Variants in FANCB observed in about 807,000 individuals in gnomAD.
The protein encoded by FANCB is FA complementation group B.
In FANCB, 5 loss-of-function variants were observed where a neutral mutation model predicts 38.9. The ratio of observed to expected loss-of-function variants is 0.13; its 90% CI spans 0.07 to 0.27. The LOEUF (loss-of-function observed/expected upper bound fraction) is 0.27. FANCB is among the 10% of genes least tolerant of loss of function. The pLI is 1.00. For missense variants in FANCB, 573 were observed against 602.7 expected (o/e 0.95, Z 0.52); for synonymous variants, 236 against 215.4 (o/e 1.10, Z -0.84).
the FANCB span, among the ~76,000 whole-genome samples, chrX:14,762,298 C>T: frequency 1.8e-5 from 2 of 110,680 alleles, no homozygotes; most frequent in African/African-American, 6.6e-5. Context: ...TCTTAAAGGC[C>T]CCAACTCTTT....
At chrX:14,796,655 CAT>C in the FANCB span, among the ~76,000 whole-genome samples, 218 of 28,132 alleles carry the variant, frequency 7.7e-3, 1 homozygote, top group African/African-American at 0.015. Flanking sequence ...ATTCTAAGTG[CAT>C]ATATACACAC....
the FANCB span, among the ~76,000 whole-genome samples, chrX:14,722,425 C>A: frequency 3.6e-5 from 4 of 111,279 alleles, no homozygotes; most frequent in African/African-American, 1.3e-4. Context: ...AGGATTGGAG[C>A]TTCATCACTT....
chrX:14,706,992 C>T, the FANCB span, among the ~76,000 whole-genome samples: 16 of 110,265 alleles, frequency 1.5e-4, no homozygotes, highest in African/African-American at 5.3e-4. Context: ...AATGTTCTTT[C>T]ACACTTCCTG....
chrX:14,833,002 C>T (rs2092331216), downstream of FANCB, among the ~76,000 whole-genome samples: 1 of 112,232 alleles, frequency 8.9e-6, no homozygotes, highest in Non-Finnish European at 1.9e-5. Context: ...ATTGCTTCTG[C>T]GTTCAGAGTA....
rs139304103 is a variant in FANCB, at chrX:14,854,644, G to A, written c.1198-1477C>T. ...AATACAGGAGCATATCGTACTGCAC[G>A]ACACTGAACCTTGCTTTTTTGTTCA... On this transcript the variant is annotated intron_variant, in intron 5 of 9. Transcript: ENST00000650831. 5.7e-3 allele frequency among the ~76,000 whole-genome samples: 639 copies of A among 111,452 alleles called. 5 individuals carry two copies. The highest frequency in any genetic ancestry group is 0.02 in the African/African-American group (603 of 30,669).
At chrX:14,813,125 C>T in the FANCB span, among the ~76,000 whole-genome samples, 17 of 108,169 alleles carry the variant, frequency 1.6e-4, no homozygotes, top group Non-Finnish European at 3.1e-4. Context: ...ACCCTTCATG[C>T]TAAAAACTCT....
chrX:14,754,092 G>A, the FANCB span, among the ~76,000 whole-genome samples: 1 of 111,803 alleles, frequency 8.9e-6, no homozygotes, highest in South Asian at 3.7e-4. Context: ...AGTGTGTCCT[G>A]CTCCAGGATC....
chrX:14,735,017 CT>C, the FANCB span, among the ~76,000 whole-genome samples: 1 of 107,821 alleles, frequency 9.3e-6, no homozygotes, highest in Admixed American at 1.0e-4. Context: ...TACTTGATCA[CT>C]TTGGCTATTG....
the FANCB span, among the ~76,000 whole-genome samples, chrX:14,804,832 G>A: frequency 9.0e-5 from 10 of 111,341 alleles, no homozygotes; most frequent in South Asian, 7.5e-4. Context: ...GAATCCCTTC[G>A]TAGATTCTTA....
intron 6 of FANCB, 145 bp downstream of exon 6, chrX:14,852,894 A>C (rs1365464722): frequency 9.5e-6 from 4 of 420,205 alleles, no homozygotes; most frequent in Non-Finnish European, 1.6e-5. Flanking sequence ...ATAAAAGTCC[A>C]CCATTATAAC....
chrX:14,744,277 T>A, the FANCB span, among the ~76,000 whole-genome samples: 4 of 112,232 alleles, frequency 3.6e-5, no homozygotes, highest in African/African-American at 6.5e-5. Flanking sequence ...GGAGTCCTAA[T>A]GTTTAAAATA....
chrX:14,806,373 CCTCT>C, the FANCB span, among the ~76,000 whole-genome samples: 1 of 112,046 alleles, frequency 8.9e-6, no homozygotes, highest in East Asian at 2.8e-4. Flanking sequence ...GAGTTGTGAG[CCTCT>C]CTATTACTCC....
chrX:14,837,016 G>A (rs190925663), intron 10 of FANCB, among the ~76,000 whole-genome samples: 47 of 112,204 alleles, frequency 4.2e-4, no homozygotes, highest in African/African-American at 1.5e-3. Flanking sequence ...ATGAGAATGT[G>A]TTCAATGAAA....
At chrX:14,742,016 T>G in the FANCB span, among the ~76,000 whole-genome samples, 3 of 111,883 alleles carry the variant, frequency 2.7e-5, no homozygotes, top group Non-Finnish European at 5.6e-5. Context: ...TACCATGCCA[T>G]GCCCAGCACT....
chrX:14,728,145 C>T, the FANCB span, among the ~76,000 whole-genome samples: 18 of 111,344 alleles, frequency 1.6e-4, no homozygotes, highest in Admixed American at 1.3e-3. Context: ...TTAAAGGTTA[C>T]AACTAGGCCG....
the FANCB span, among the ~76,000 whole-genome samples, chrX:14,747,301 G>T: frequency 1.8e-5 from 2 of 112,453 alleles, no homozygotes; most frequent in African/African-American, 6.5e-5. Flanking sequence ...CTAGAGTACA[G>T]AATTTTCAAG....
At chrX:14,813,430 C>T in the FANCB span, among the ~76,000 whole-genome samples, 1 of 111,200 alleles carries the variant, frequency 9.0e-6, no homozygotes, top group African/African-American at 3.3e-5. Flanking sequence ...TCGTCTCAGC[C>T]CAAAATCTCC....
chrX:14,849,682 A>C (rs1221806114), intron 7 of FANCB, among the ~76,000 whole-genome samples: 1 of 112,476 alleles, frequency 8.9e-6, no homozygotes, highest in Admixed American at 9.4e-5. Context: ...ACTTTGGTCA[A>C]TAGTCTCTAA....
the FANCB span, among the ~76,000 whole-genome samples, chrX:14,755,162 AG>A: frequency 8.9e-6 from 1 of 112,040 alleles, no homozygotes; most frequent in Non-Finnish European, 1.9e-5. Context: ...AACGTAATAA[AG>A]GCCACATGTG....
Sources: gnomAD v4.1 joint callset for allele counts (sites outside exome capture counted in the v4.1 genomes callset) on GRCh38, gnomAD v4.1.1 for gene constraint, MANE v1.5 for transcripts, NCBI Gene and HGNC (gene_info 2026-07-23, HGNC 2026-07-21) for gene names.